DNA2: variants seen among roughly 807,000 people sequenced by gnomAD.
DNA2 encodes DNA replication ATP-dependent helicase/nuclease DNA2.
Under a neutral mutation model 119.1 loss-of-function variants are expected in DNA2, and 101 were observed. That is an observed-to-expected ratio of 0.85 (90% CI 0.72 to 1.00). The LOEUF is 1.00. DNA2 is among the 50% of genes least tolerant of loss of function. DNA2 has a pLI of 0.00. For synonymous variants in DNA2, 366 were observed against 424.4 expected, an observed-to-expected ratio of 0.86 and a Z score of 1.69; for missense variants, 1,121 against 1,255.5, an observed-to-expected ratio of 0.89 and a Z score of 1.62.
rs772540383 is a variant in DNA2, at chr10:68,471,940, GAA to G, written c.-78_-77del. 7.4e-6 allele frequency: 12 copies of G among 1,613,316 alleles called. No individual in the cohort carries two copies. The African/African-American group carries it at 1.5e-4, about 20-fold the overall frequency. On this transcript the variant is annotated 5_prime_UTR_variant, in exon 1 of 21. It introduces an in-frame stop codon into an upstream open reading frame of the 5' UTR. Coordinates refer to ENST00000358410, the MANE Select transcript of DNA2 (RefSeq NM_001080449.3). ...GGTAACACAGAAAGCTTAGAAAAGG[GAA>G]AAAGGCGCGAGCCTGCGCACCTCGC...
intron 4 of DNA2, among the ~76,000 whole-genome samples, chr10:68,464,659 G>A (rs567577588): frequency 8.8e-5 from 13 of 148,378 alleles, no homozygotes; most frequent in South Asian, 6.4e-4. Flanking sequence ...GAGAAACCCC[G>A]TCTCTACTAA....
chr10:68,457,737 GA>G lies in DNA2; in HGVS notation c.719+1366del, dbSNP rs74318507. Among the ~76,000 whole-genome samples the G allele has an allele frequency of 4.0e-3, 388 of 96,720 alleles. 1 individual carries two copies. The highest frequency in any genetic ancestry group is 0.01 in the African/African-American group (250 of 24,354). The allele number at this position is 96,720 out of a possible 152,430, so 63.5% of individuals were successfully genotyped here. ...TAAAATTATAACAATGCCACTTTGAGAAAAAAAAAAAAAAAACTTGAAAATA... is the reference window on the plus strand; with the variant it reads ...TAAAATTATAACAATGCCACTTTGAGAAAAAAAAAAAAAAACTTGAAAATA... On this transcript the variant is annotated intron_variant, in intron 5 of 20. Transcript: ENST00000358410.
intron 14 of DNA2, chr10:68,424,715 C>A: frequency 6.3e-7 from 1 of 1,599,432 alleles, no homozygotes; most frequent in Non-Finnish European, 8.6e-7. Context: ...TCCGCAAGGA[C>A]GACGAGGTCC....
intron 10 of DNA2, 101 bp downstream of exon 10, chr10:68,436,910 A>T: frequency 1.1e-6 from 1 of 910,342 alleles, no homozygotes; most frequent in Non-Finnish European, 1.7e-6. Flanking sequence ...CGCTGTGAAT[A>T]TACTAAAAAC....
At position 68,416,650 on chromosome 10, in the gene DNA2, C is replaced by G. The variant is rs772259564; in HGVS notation, c.3114+59G>C. On this transcript the variant is annotated intron_variant, in intron 20 of 20. Coordinates refer to ENST00000358410, the MANE Select transcript of DNA2 (RefSeq NM_001080449.3). ...TAGTGAGAGCTTTAATTTAAACAAG[C>G]AAATAAATACTCACAACAGTGCAAT... The G allele has an allele frequency of 2.6e-6, 4 of 1,518,294 alleles. No homozygotes were observed. In the South Asian group the frequency reaches 4.6e-5, roughly 17 times the overall value. 94.1% of individuals were successfully genotyped at this position (1,518,294 alleles called of 1,614,324 possible). A position where few individuals can be genotyped will look rare whatever the true frequency, so the allele number is the denominator to read the frequency against.
At chr10:68,471,593 G>A (rs959812398) in intron 1 of DNA2, among the ~76,000 whole-genome samples, 198 bp downstream of exon 1, 3 of 152,162 alleles carry the variant, frequency 2.0e-5, no homozygotes, top group Non-Finnish European at 4.4e-5. Flanking sequence ...GGAGAGTCCA[G>A]GCTCTGGCTG....
intron 14 of DNA2, among the ~76,000 whole-genome samples, chr10:68,425,808 T>TAA (rs369267865): frequency 0.038 from 5,748 of 149,686 alleles, 123 homozygotes; most frequent in Non-Finnish European, 0.047. Context: ...GTTTCATAAT[T>TAA]CAAAAAAAAA....
At chr10:68,432,128 T>C in intron 12 of DNA2, 78 bp downstream of exon 12, 1 of 1,186,424 alleles carries the variant, frequency 8.4e-7, no homozygotes, top group Non-Finnish European at 1.2e-6. Flanking sequence ...GCAAGTCTAA[T>C]CAAGATATTA....
At chr10:68,451,989 C>T (rs1008543015) in intron 5 of DNA2, among the ~76,000 whole-genome samples, 60 of 151,910 alleles carry the variant, frequency 3.9e-4, no homozygotes, top group African/African-American at 9.7e-5. Flanking sequence ...CAAGATGCTT[C>T]AAATATAATC....
intron 13 of DNA2, among the ~76,000 whole-genome samples, chr10:68,431,214 A>G (rs961992319): frequency 1.3e-5 from 2 of 149,064 alleles, no homozygotes; most frequent in Non-Finnish European, 3.0e-5. Context: ...CCATCTCAAA[A>G]AAAAAAAAGA....
chr10:68,445,228 G>C (rs970877423), intron 7 of DNA2, 145 bp from the exon 8 acceptor site: 1 of 734,624 alleles, frequency 1.4e-6, no homozygotes, highest in African/African-American at 1.8e-5. Context: ...ACTTGGGGAG[G>C]CTGAGGTGGG....
At chr10:68,462,965 C>T (rs72797521) in intron 4 of DNA2, among the ~76,000 whole-genome samples, 3,501 of 151,564 alleles carry the variant, frequency 0.023, 74 homozygotes, top group Middle Eastern at 0.038. Flanking sequence ...CCCATCTTTA[C>T]TAACAAATGC....
chr10:68,448,244 A>C (rs576567550), intron 6 of DNA2, among the ~76,000 whole-genome samples: 72 of 152,154 alleles, frequency 4.7e-4, no homozygotes, highest in Non-Finnish European at 8.4e-4. Context: ...AAATAATACT[A>C]ACTCTACAGT....
upstream of DNA2, chr10:68,472,207 G>A: frequency 8.1e-7 from 1 of 1,241,624 alleles, no homozygotes; most frequent in Non-Finnish European, 1.0e-6. Flanking sequence ...CCATTCTCCT[G>A]CTTCAGCCTC....
At chr10:68,454,678 C>T (rs1238952751) in intron 5 of DNA2, among the ~76,000 whole-genome samples, 2 of 151,562 alleles carry the variant, frequency 1.3e-5, no homozygotes, top group African/African-American at 2.4e-5. Flanking sequence ...TGGTGGCAGG[C>T]GCCTGTAATC....
At chr10:68,437,781 T>A (rs760242278) in intron 9 of DNA2, among the ~76,000 whole-genome samples, 47 of 152,154 alleles carry the variant, frequency 3.1e-4, no homozygotes, top group Non-Finnish European at 4.3e-4. Context: ...TGGGGTTTTT[T>A]GAGACACCCT....
chr10:68,432,387 T>G lies in DNA2; in HGVS notation c.1763+7A>C. 1.9e-6 allele frequency: 3 copies of G among 1,584,666 alleles called. No individual in the cohort carries two copies. Among genetic ancestry groups the G allele is most frequent in the Non-Finnish European group, 2.6e-6 (3 of 1,159,664 alleles). The stretch of plus-strand genomic sequence containing the variant: ...AGTGAAATTCAAATTTGCTCATTGT[T>G]ACAAACCTGACAAACGTGTTTTCCA... On this transcript the variant is annotated splice_region_variant and intron_variant, in intron 11 of 20. Transcript: ENST00000358410.
In DNA2 at chr10:68,450,235, A is replaced by AT; in HGVS notation, c.731dup (p.Asn244LysfsTer2). The AT allele has an allele frequency of 6.4e-7, 1 of 1,569,484 alleles. No individual in the cohort carries two copies. Among genetic ancestry groups the AT allele is most frequent in the Non-Finnish European group, 8.7e-7 (1 of 1,155,360 alleles). On this transcript the variant is annotated frameshift_variant, in exon 6 of 21. Transcript: ENST00000358410. LOFTEE classifies it high-confidence loss of function. ...TGTTACATGTTGAATTATCCTTACTATTATCACTTGGCCTGAAAAAAAAAA... is the reference window on the plus strand; with the variant it reads ...TGTTACATGTTGAATTATCCTTACTATTTATCACTTGGCCTGAAAAAAAAAA...
chr10:68,421,608 T>C (rs111526552), intron 17 of DNA2, among the ~76,000 whole-genome samples: 10,797 of 151,474 alleles, frequency 0.071, 574 homozygotes, highest in African/African-American at 0.15. Context: ...ACAAAATTAG[T>C]CTGGTGTGGT....
Sources: allele counts gnomAD v4.1 joint callset (sites outside exome capture counted in the v4.1 genomes callset), GRCh38; gene constraint gnomAD v4.1.1; transcripts MANE v1.5; gene names NCBI Gene and HGNC (gene_info 2026-07-23, HGNC 2026-07-21).